The following GPHN variants were observed in gnomAD, a reference collection of about 807,000 sequenced individuals.
The protein encoded by GPHN is gephyrin.
Under a neutral mutation model 95.5 loss-of-function variants are expected in GPHN, and 17 were observed. The observed-to-expected ratio is 0.18, with a 90% confidence interval of 0.12 to 0.27. The LOEUF (loss-of-function observed/expected upper bound fraction) is 0.27. Ranked by LOEUF, GPHN falls within the 10% of genes least tolerant of loss-of-function variation. GPHN has a pLI of 1.00. For synonymous variants in GPHN, 320 were observed against 322.5 expected, an observed-to-expected ratio of 0.99 and a Z score of 0.08; for missense variants, 660 against 978.1, an observed-to-expected ratio of 0.67 and a Z score of 4.34.
At chr14:67,666,282 C>T in the GPHN span, among the ~76,000 whole-genome samples, 4 of 152,180 alleles carry the variant, frequency 2.6e-5, no homozygotes, top group South Asian at 2.1e-4. Flanking sequence ...TCTCAAGAGG[C>T]AAATTCTAGA....
the GPHN span, among the ~76,000 whole-genome samples, chr14:67,561,496 A>G: frequency 3.3e-5 from 5 of 152,100 alleles, no homozygotes; most frequent in African/African-American, 1.2e-4. Flanking sequence ...CCCTGGTGGC[A>G]GAGGTTGCAG....
At chr14:67,565,124 C>T in the GPHN span, among the ~76,000 whole-genome samples, 1 of 152,168 alleles carries the variant, frequency 6.6e-6, no homozygotes, top group African/African-American at 2.4e-5. Context: ...GGGAAGGGCT[C>T]CTTTCCTTGC....
intron 19 of GPHN, among the ~76,000 whole-genome samples, chr14:67,162,022 C>T (rs2082008307): frequency 6.6e-6 from 1 of 152,024 alleles, no homozygotes; most frequent in African/African-American, 2.4e-5. Flanking sequence ...AGTCTGAGCT[C>T]AAGAGGAGAA....
chr14:67,358,055 CT>C, the GPHN span, among the ~76,000 whole-genome samples: 2 of 152,114 alleles, frequency 1.3e-5, no homozygotes, highest in Non-Finnish European at 2.9e-5. Flanking sequence ...ACAGTAAATT[CT>C]CCCCCTAGCT....
intron 9 of GPHN, 61 bp downstream of exon 9, chr14:66,965,386 C>G: frequency 7.1e-7 from 1 of 1,416,724 alleles, no homozygotes; most frequent in South Asian, 1.1e-5. Context: ...GAAAACTAAC[C>G]AATATTTCCT....
chr14:66,815,175 G>A (rs932356636), intron 3 of GPHN, among the ~76,000 whole-genome samples: 1 of 152,208 alleles, frequency 6.6e-6, no homozygotes, highest in Non-Finnish European at 1.5e-5. Flanking sequence ...TATGTAAAGA[G>A]ATTGAATCTG....
chr14:66,583,323 C>A (rs1263277422), intron 1 of GPHN, among the ~76,000 whole-genome samples: 1 of 152,078 alleles, frequency 6.6e-6, no homozygotes, highest in Non-Finnish European at 1.5e-5. Context: ...AATTTTCTCC[C>A]AATCTGTAGG....
intron 1 of GPHN, among the ~76,000 whole-genome samples, chr14:66,532,000 G>A (rs1263859970): frequency 1.3e-5 from 2 of 152,128 alleles, no homozygotes; most frequent in Non-Finnish European, 2.9e-5. Context: ...GTGTCCCACC[G>A]AAATTTTAGT....
chr14:66,592,477 C>T (rs71537157), intron 1 of GPHN, among the ~76,000 whole-genome samples: 1 of 148,614 alleles, frequency 6.7e-6, no homozygotes, highest in Non-Finnish European at 1.5e-5. Context: ...AAAACCCCGT[C>T]AAGAAGTGGG....
chr14:66,832,612 C>A (rs2061622895), intron 4 of GPHN, among the ~76,000 whole-genome samples: 1 of 151,902 alleles, frequency 6.6e-6, no homozygotes, highest in African/African-American at 2.4e-5. Context: ...ATCATAGGCA[C>A]ACTTAAGACC....
the GPHN span, among the ~76,000 whole-genome samples, chr14:67,466,600 A>G: frequency 6.6e-6 from 1 of 152,196 alleles, no homozygotes; most frequent in Non-Finnish European, 1.5e-5. Context: ...ACTTGTCAAG[A>G]GTTTCTTAAA....
intron 1 of GPHN, among the ~76,000 whole-genome samples, chr14:66,557,334 G>A (rs758030021): frequency 2.5e-4 from 38 of 152,054 alleles, no homozygotes; most frequent in Non-Finnish European, 4.7e-4. Context: ...CCCAAATTTT[G>A]TTGAGAATAT....
In GPHN at chr14:66,724,233, G is replaced by GT. The variant is rs952535570; in HGVS notation, c.143+43057dup. 8.5e-4 allele frequency among the ~76,000 whole-genome samples: 128 copies of GT among 150,846 alleles called. 2 individuals are homozygous for GT. Among genetic ancestry groups the GT allele is most frequent in the African/African-American group, 2.8e-3 (115 of 41,152 alleles). On this transcript the variant is annotated intron_variant, in intron 2 of 22. Coordinates refer to ENST00000478722, the MANE Select transcript of GPHN (RefSeq NM_020806.5). ...TGCTTTTCACCAATATTTGGGGAGG[G>GT]TTTTTTTTTAAGATTTTAATTGCCC...
At chr14:66,971,994 G>C (rs141928026) in intron 9 of GPHN, among the ~76,000 whole-genome samples, 1 of 152,190 alleles carries the variant, frequency 6.6e-6, no homozygotes, top group Non-Finnish European at 1.5e-5. Context: ...TGGGCTGGGC[G>C]TGGTGGCTCA....
the GPHN span, chr14:67,333,127 T>G: frequency 1.8e-6 from 1 of 557,038 alleles, no homozygotes; most frequent in South Asian, 2.7e-5. Flanking sequence ...TTAGGCAGTT[T>G]GTGCATGGCA....
At chr14:66,612,669 G>A (rs2062833092) in intron 1 of GPHN, among the ~76,000 whole-genome samples, 1 of 152,052 alleles carries the variant, frequency 6.6e-6, no homozygotes, top group South Asian at 2.1e-4. Flanking sequence ...CCCTTTCAAA[G>A]TATAGATAGA....
intron 2 of GPHN, among the ~76,000 whole-genome samples, chr14:66,745,782 ATTT>A (rs1307329364): frequency 2.0e-5 from 3 of 151,932 alleles, no homozygotes; most frequent in African/African-American, 7.2e-5. Context: ...CCCTAATTGA[ATTT>A]TTATTTTTTT....
chr14:67,471,397 A>C, the GPHN span: 1 of 152,302 alleles, frequency 6.6e-6, no homozygotes, highest in Non-Finnish European at 1.5e-5. Flanking sequence ...GACTAAGACA[A>C]CATGGAGTTG....
chr14:66,832,329 G>C (rs1028416338), intron 4 of GPHN, among the ~76,000 whole-genome samples: 2 of 152,132 alleles, frequency 1.3e-5, no homozygotes, highest in African/African-American at 4.8e-5. Context: ...TAGATGCTCA[G>C]TATTTGTTCT....
Sources: allele counts gnomAD v4.1 joint callset (sites outside exome capture counted in the v4.1 genomes callset), GRCh38; gene constraint gnomAD v4.1.1; transcripts MANE v1.5; gene names NCBI Gene and HGNC (gene_info 2026-07-23, HGNC 2026-07-21).